Variants in PTPRJ observed in about 807,000 individuals in gnomAD.
The protein encoded by PTPRJ is protein tyrosine phosphatase receptor type J.
A neutral mutation model predicts 141.3 loss-of-function variants in PTPRJ; 129 were observed. That is an observed-to-expected ratio of 0.91 (90% CI 0.79 to 1.06). The LOEUF (loss-of-function observed/expected upper bound fraction) is 1.06. Among genes scored for constraint, PTPRJ ranks in the 50% least tolerant of loss-of-function variants. The probability of loss-of-function intolerance (pLI) is 0.00; values close to 1 mark genes in which losing one functional copy is unlikely to be tolerated. For missense variants in PTPRJ, 1,601 were observed against 1,679.7 expected, an observed-to-expected ratio of 0.95 and a Z score of 0.82; for synonymous variants, 610 against 640.5, an observed-to-expected ratio of 0.95 and a Z score of 0.72.
chr11:48,146,755 ATGTG>A, intron 14 of PTPRJ, 117 bp from the exon 15 acceptor site: 1 of 745,930 alleles, frequency 1.3e-6, no homozygotes, highest in Non-Finnish European at 2.4e-6. Context: ...GTGTGCATGC[ATGTG>A]TGTGTATGGT....
At chr11:48,038,390 T>C (rs908347273) in intron 1 of PTPRJ, among the ~76,000 whole-genome samples, 2 of 152,184 alleles carry the variant, frequency 1.3e-5, no homozygotes, top group African/African-American at 2.4e-5. Flanking sequence ...CCCTTCAGCA[T>C]CACTGGGGAG....
intron 1 of PTPRJ, among the ~76,000 whole-genome samples, chr11:47,986,819 T>C (rs1259251205): frequency 6.6e-6 from 1 of 152,194 alleles, no homozygotes; most frequent in African/African-American, 2.4e-5. Flanking sequence ...CTGGCCCATA[T>C]GACAAATATT....
At chr11:48,017,327 A>G (rs1443106382) in intron 1 of PTPRJ, among the ~76,000 whole-genome samples, 4 of 152,124 alleles carry the variant, frequency 2.6e-5, no homozygotes, top group Non-Finnish European at 5.9e-5. Context: ...TGGAGAGGCA[A>G]TAGAAGCTGG....
At chr11:48,115,356 T>C (rs1225956488) in intron 3 of PTPRJ, among the ~76,000 whole-genome samples, 1 of 152,150 alleles carries the variant, frequency 6.6e-6, no homozygotes, top group Non-Finnish European at 1.5e-5. Context: ...GCAGCAGACT[T>C]CTCAGCAGAA....
chr11:48,049,628 CG>C (rs1854508273), intron 1 of PTPRJ, among the ~76,000 whole-genome samples: 1 of 150,742 alleles, frequency 6.6e-6, no homozygotes, highest in African/African-American at 2.5e-5. Flanking sequence ...GCAGGAGAAT[CG>C]CTTGAACCTG....
intron 1 of PTPRJ, among the ~76,000 whole-genome samples, chr11:48,070,875 ATCAT>A (rs1385516959): frequency 2.0e-5 from 3 of 152,248 alleles, no homozygotes; most frequent in African/African-American, 7.2e-5. Context: ...AACAGCAAAT[ATCAT>A]TCATTATTGT....
chr11:48,138,110 A>G (rs1418136415), intron 10 of PTPRJ, among the ~76,000 whole-genome samples: 7 of 152,006 alleles, frequency 4.6e-5, no homozygotes, highest in African/African-American at 1.7e-4. Context: ...GGCCATTCAG[A>G]TATGTTCAGG....
chr11:48,013,103 C>CA (rs5791798), intron 1 of PTPRJ, among the ~76,000 whole-genome samples: 20 of 90,036 alleles, frequency 2.2e-4, no homozygotes, highest in African/African-American at 4.5e-4. Flanking sequence ...GACTCTGTGT[C>CA]AAAAAAAAAA....
At chr11:48,016,944 T>C (rs1416699994) in intron 1 of PTPRJ, among the ~76,000 whole-genome samples, 2 of 152,080 alleles carry the variant, frequency 1.3e-5, no homozygotes, top group Non-Finnish European at 2.9e-5. Context: ...ATTTTTTTTT[T>C]GTAGAGACAG....
intron 3 of PTPRJ, among the ~76,000 whole-genome samples, chr11:48,113,713 C>G (rs1345423342): frequency 5.9e-5 from 9 of 152,160 alleles, no homozygotes; most frequent in Admixed American, 5.9e-4. Context: ...CTTCTTTACT[C>G]TCATTTTATC....
At chr11:48,116,379 TTATAAA>T (rs1488897519) in intron 3 of PTPRJ, among the ~76,000 whole-genome samples, 2 of 152,228 alleles carry the variant, frequency 1.3e-5, no homozygotes, top group Non-Finnish European at 2.9e-5. Context: ...GTCTTAACAA[TTATAAA>T]TATATATGCA....
At chr11:48,021,279 C>G (rs1001215175) in intron 1 of PTPRJ, among the ~76,000 whole-genome samples, 1 of 152,018 alleles carries the variant, frequency 6.6e-6, no homozygotes, top group African/African-American at 2.4e-5. Flanking sequence ...GAGGCTGAGG[C>G]AGGAGAATCG....
intron 1 of PTPRJ, among the ~76,000 whole-genome samples, chr11:48,000,340 C>T (rs935293262): frequency 2.0e-5 from 3 of 150,818 alleles, no homozygotes; most frequent in Non-Finnish European, 3.0e-5. Flanking sequence ...AGATGGGGGT[C>T]TCACTATGTT....
intron 1 of PTPRJ, among the ~76,000 whole-genome samples, chr11:47,986,132 G>A (rs1288051377): frequency 6.6e-6 from 1 of 152,150 alleles, no homozygotes. Context: ...TGGGTTCTTT[G>A]TGTCCTAAAC....
At chr11:48,108,740 G>A (rs1196348595) in intron 1 of PTPRJ, among the ~76,000 whole-genome samples, 1 of 152,194 alleles carries the variant, frequency 6.6e-6, no homozygotes, top group Non-Finnish European at 1.5e-5. Context: ...AAGGGCAGGG[G>A]CTGGAGGAGG....
Position 48,052,905 on chromosome 11 carries a change from G to T in PTPRJ, c.97-57153G>T, listed in dbSNP as rs138070886. Among the ~76,000 whole-genome samples, 1,365 of 151,358 alleles carry T rather than the reference G, an allele frequency of 9.0e-3. 9 individuals carry two copies. The highest frequency in any genetic ancestry group is 0.027 in the Middle Eastern group (8 of 294). On this transcript the variant is annotated intron_variant, in intron 1 of 24. Transcript: ENST00000418331. The stretch of plus-strand genomic sequence containing the variant: ...CTATGCAGTACGTGGGCCACCAGCC[G>T]CTAGGGGCCTGGCAGCCACAGAGAT...
At chr11:48,044,066 TG>T (rs1490585943) in intron 1 of PTPRJ, among the ~76,000 whole-genome samples, 2 of 152,346 alleles carry the variant, frequency 1.3e-5, no homozygotes, top group Admixed American at 6.5e-5. Context: ...CAGAAGGCTC[TG>T]GGCATTTTTC....
chr11:48,133,582 T>C (rs113372097), intron 8 of PTPRJ, among the ~76,000 whole-genome samples: 2,041 of 152,312 alleles, frequency 0.013, 55 homozygotes, highest in African/African-American at 0.046. Context: ...ACGAATACCA[T>C]ATGATCCAGT....
At chr11:48,042,164 G>T (rs902865617) in intron 1 of PTPRJ, among the ~76,000 whole-genome samples, 2 of 152,128 alleles carry the variant, frequency 1.3e-5, no homozygotes, top group African/African-American at 4.8e-5. Flanking sequence ...AAGGACACAG[G>T]ACTGCTGGAT....
Sources: allele counts gnomAD v4.1 joint callset (sites outside exome capture counted in the v4.1 genomes callset), GRCh38; gene constraint gnomAD v4.1.1; transcripts MANE v1.5; gene names NCBI Gene and HGNC (gene_info 2026-07-23, HGNC 2026-07-21).